Variants in HDAC9 observed in about 807,000 individuals in gnomAD.
The protein encoded by HDAC9 is histone deacetylase 9.
HDAC9 carries 41 observed loss-of-function variants against 139.4 expected under a neutral mutation model. The observed-to-expected ratio is 0.29, with a 90% confidence interval of 0.23 to 0.38. HDAC9 has a LOEUF of 0.38. Among genes scored for constraint, HDAC9 ranks in the 10% least tolerant of loss-of-function variants. The pLI is 1.00. For missense variants in HDAC9, 1,147 were observed against 1,297.0 expected (o/e 0.88, Z 1.78); for synonymous variants, 517 against 476.2 (o/e 1.09, Z -1.12).
chr7:18,388,145 G>A (rs188423218), intron 1 of HDAC9, among the ~76,000 whole-genome samples: 3 of 152,292 alleles, frequency 2.0e-5, no homozygotes, highest in African/African-American at 4.8e-5. Flanking sequence ...CAAAAACGAC[G>A]TAAATGTTAT....
intron 2 of HDAC9, among the ~76,000 whole-genome samples, chr7:18,282,980 T>TTTTTTTTTTTTTTTTTTTGAGACGG (rs1179585272): frequency 2.0e-5 from 3 of 151,358 alleles, no homozygotes; most frequent in African/African-American, 7.3e-5. Flanking sequence ...TTGAAATTTC[T>TTTTTTTTTTTTTTTTTTTGAGACGG]ATCTCAATTT....
intron 1 of HDAC9, among the ~76,000 whole-genome samples, chr7:18,411,817 CTTTTTTTTTTTTTT>C (rs71014326): frequency 1.1e-5 from 1 of 88,942 alleles, no homozygotes; most frequent in Non-Finnish European, 2.0e-5. Flanking sequence ...TTTCAACTTG[CTTTTTTTTTTTTTT>C]TTTTTTTTTT....
At chr7:18,553,112 T>C (rs1352550354) in intron 2 of HDAC9, among the ~76,000 whole-genome samples, 2 of 152,162 alleles carry the variant, frequency 1.3e-5, no homozygotes, top group South Asian at 2.1e-4. Flanking sequence ...TTTGTGTGTA[T>C]TTGTGCTGTG....
At chr7:18,885,404 T>C (rs1171424934) in intron 22 of HDAC9, among the ~76,000 whole-genome samples, 1 of 152,222 alleles carries the variant, frequency 6.6e-6, no homozygotes, top group East Asian at 1.9e-4. Flanking sequence ...TCTTATTTTG[T>C]TTTTATGATT....
At chr7:18,196,756 G>A (rs1790757925) in intron 2 of HDAC9, among the ~76,000 whole-genome samples, 2 of 152,182 alleles carry the variant, frequency 1.3e-5, no homozygotes, top group African/African-American at 4.8e-5. Flanking sequence ...AAAGGGTGTA[G>A]GGGTGTGGGG....
intron 2 of HDAC9, among the ~76,000 whole-genome samples, chr7:18,214,881 A>G (rs1419893343): frequency 2.0e-5 from 3 of 152,134 alleles, no homozygotes; most frequent in Admixed American, 6.6e-5. Flanking sequence ...TGATGGGGGC[A>G]TGGAAAAGAT....
At chr7:18,793,474 G>A (rs1335368981) in intron 17 of HDAC9, 22 bp downstream of exon 17, 4 of 1,424,982 alleles carry the variant, frequency 2.8e-6, no homozygotes, top group Middle Eastern at 1.7e-4. Context: ...GTTGCATTAA[G>A]TGTGGGAAAT....
intron 2 of HDAC9, among the ~76,000 whole-genome samples, chr7:18,190,838 T>C (rs1452542211): frequency 6.6e-6 from 1 of 152,180 alleles, no homozygotes; most frequent in African/African-American, 2.4e-5. Context: ...CAAATTCCTT[T>C]TAAATATTTA....
chr7:18,831,826 C>A (rs1795877697), intron 19 of HDAC9, among the ~76,000 whole-genome samples: 1 of 152,080 alleles, frequency 6.6e-6, no homozygotes, highest in Non-Finnish European at 1.5e-5. Flanking sequence ...GTTATTCCTG[C>A]AAATCCAAAG....
intron 1 of HDAC9, among the ~76,000 whole-genome samples, chr7:18,401,018 A>T (rs1020462968): frequency 1.3e-5 from 2 of 152,178 alleles, no homozygotes; most frequent in Non-Finnish European, 2.9e-5. Context: ...ACTCATCTAA[A>T]TTTAATCTTT....
intron 2 of HDAC9, among the ~76,000 whole-genome samples, chr7:18,205,193 A>G (rs969875317): frequency 6.6e-6 from 1 of 151,908 alleles, no homozygotes; most frequent in African/African-American, 2.4e-5. Flanking sequence ...GTTGTTTTAA[A>G]TTTCCCCTTT....
chr7:18,824,763 G>A (rs192854084), intron 17 of HDAC9, among the ~76,000 whole-genome samples: 11 of 152,238 alleles, frequency 7.2e-5, no homozygotes, highest in East Asian at 5.8e-4. Context: ...TGTGCCTTTC[G>A]TCTGAGCACT....
chr7:18,224,453 A>C (rs1178235545), intron 2 of HDAC9, among the ~76,000 whole-genome samples: 1 of 152,196 alleles, frequency 6.6e-6, no homozygotes, highest in Non-Finnish European at 1.5e-5. Context: ...TGAAAGTCAC[A>C]TAGCAACATG....
intron 1 of HDAC9, among the ~76,000 whole-genome samples, chr7:18,463,772 TTTA>T (rs1334388348): frequency 6.6e-6 from 1 of 151,972 alleles, no homozygotes; most frequent in Non-Finnish European, 1.5e-5. Flanking sequence ...TTTTCCCAGT[TTTA>T]TTATCATCCA....
chr7:18,130,686 A>T (rs1331682038), intron 1 of HDAC9, among the ~76,000 whole-genome samples: 1 of 152,042 alleles, frequency 6.6e-6, no homozygotes, highest in East Asian at 1.9e-4. Context: ...CTAGGAAACC[A>T]CTAATGTACT....
intron 1 of HDAC9, among the ~76,000 whole-genome samples, chr7:18,345,654 AAG>A (rs1417992358): frequency 6.6e-6 from 1 of 151,904 alleles, no homozygotes; most frequent in Admixed American, 6.6e-5. Context: ...CATACATAGA[AAG>A]AGGTGCATTT....
intron 1 of HDAC9, among the ~76,000 whole-genome samples, chr7:18,421,515 GAAAT>G (rs1164590311): frequency 6.6e-6 from 1 of 152,004 alleles, no homozygotes; most frequent in African/African-American, 2.4e-5. Flanking sequence ...AGAAAAGAAA[GAAAT>G]AGAATAAAAC....
At chr7:18,418,810 AG>A (rs1789340234) in intron 1 of HDAC9, among the ~76,000 whole-genome samples, 1 of 152,024 alleles carries the variant, frequency 6.6e-6, no homozygotes, top group African/African-American at 2.4e-5. Flanking sequence ...AAAGTACAAG[AG>A]GGGGTGCATG....
chr7:18,428,609 CAAACAA>C (rs1790341951), intron 1 of HDAC9, among the ~76,000 whole-genome samples: 4 of 152,074 alleles, frequency 2.6e-5, no homozygotes, highest in African/African-American at 7.2e-5. Flanking sequence ...TCAAAACAAA[CAAACAA>C]AAACAAAAGA....
Sources: allele counts gnomAD v4.1 joint callset (sites outside exome capture counted in the v4.1 genomes callset), GRCh38; gene constraint gnomAD v4.1.1; transcripts MANE v1.5; gene names NCBI Gene and HGNC (gene_info 2026-07-23, HGNC 2026-07-21).